PRR16: variants seen among roughly 807,000 people sequenced by gnomAD.
PRR16 encodes the protein proline rich 16, also known as protein Largen.
Under a neutral mutation model 18.2 loss-of-function variants are expected in PRR16, and 6 were observed. The observed-to-expected ratio is 0.33, with a 90% CI of 0.18 to 0.65. The LOEUF (loss-of-function observed/expected upper bound fraction) is 0.65. Ranked by LOEUF, PRR16 falls within the 30% of genes least tolerant of loss-of-function variation. The probability of loss-of-function intolerance (pLI) is 0.74; values close to 1 mark genes in which losing one functional copy is unlikely to be tolerated. For missense variants in PRR16, 412 were observed against 376.6 expected, an observed-to-expected ratio of 1.09 and a Z score of -0.78; for synonymous variants, 151 against 147.8, an observed-to-expected ratio of 1.02 and a Z score of -0.16.
chr5:120,745,865 A>ATTTTTTTTTTTTT, the PRR16 span, among the ~76,000 whole-genome samples: 2,528 of 127,178 alleles, frequency 0.02, 49 homozygotes, highest in East Asian at 0.039. Flanking sequence ...CGCCCGGGTA[A>ATTTTTTTTTTTTT]TTTTTTTTTT....
chr5:120,495,070 TG>T (rs1416776241), intron 1 of PRR16, among the ~76,000 whole-genome samples: 1 of 152,128 alleles, frequency 6.6e-6, no homozygotes, highest in Non-Finnish European at 1.5e-5. Context: ...TTATAATTTA[TG>T]TTTTTTTTTC....
At chr5:120,737,324 T>G in the PRR16 span, among the ~76,000 whole-genome samples, 2 of 146,126 alleles carry the variant, frequency 1.4e-5, no homozygotes, top group Admixed American at 6.8e-5. Context: ...TTTTTTTTTT[T>G]TTTTTTTTTT....
intron 1 of PRR16, among the ~76,000 whole-genome samples, chr5:120,641,663 C>T (rs933779454): frequency 6.6e-6 from 1 of 152,058 alleles, no homozygotes; most frequent in African/African-American, 2.4e-5. Context: ...TCAATCTGCT[C>T]TAGATGGCTT....
chr5:120,508,879 G>A (rs1750730700), intron 1 of PRR16, among the ~76,000 whole-genome samples: 2 of 151,974 alleles, frequency 1.3e-5, no homozygotes, highest in African/African-American at 2.4e-5. Flanking sequence ...TCATAAGAAG[G>A]TCTAGGGCTA....
chr5:120,741,891 G>A, the PRR16 span, among the ~76,000 whole-genome samples: 4 of 152,154 alleles, frequency 2.6e-5, no homozygotes, highest in South Asian at 8.3e-4. Flanking sequence ...ATGAGCCACC[G>A]CACCAGGCCT....
At chr5:120,651,018 T>A (rs192018857) in intron 1 of PRR16, among the ~76,000 whole-genome samples, 3 of 152,330 alleles carry the variant, frequency 2.0e-5, no homozygotes, top group Non-Finnish European at 4.4e-5. Context: ...ATGATCGCCA[T>A]TCTAAATGTT....
the PRR16 span, among the ~76,000 whole-genome samples, chr5:120,694,550 G>A: frequency 6.6e-6 from 1 of 151,904 alleles, no homozygotes; most frequent in Admixed American, 6.6e-5. Context: ...CGGGCGAGGT[G>A]GCGGGCGCCT....
chr5:120,557,740 C>A (rs1243359353), intron 1 of PRR16, among the ~76,000 whole-genome samples: 1 of 151,806 alleles, frequency 6.6e-6, no homozygotes, highest in African/African-American at 2.4e-5. Flanking sequence ...CCATTAAATA[C>A]TTTGAAAAAG....
At chr5:120,782,379 C>T in the PRR16 span, among the ~76,000 whole-genome samples, 11 of 152,280 alleles carry the variant, frequency 7.2e-5, no homozygotes, top group East Asian at 1.9e-3. Flanking sequence ...TTATTAAGGT[C>T]TACAGTCACC....
chr5:120,736,837 T>C, the PRR16 span, among the ~76,000 whole-genome samples: 1 of 152,158 alleles, frequency 6.6e-6, no homozygotes, highest in Non-Finnish European at 1.5e-5. Context: ...TACTTTATCC[T>C]TTTGTGTTCT....
chr5:120,766,848 TAATCCTGGTTA>T, the PRR16 span, among the ~76,000 whole-genome samples: 3 of 151,960 alleles, frequency 2.0e-5, no homozygotes, highest in East Asian at 5.8e-4. Context: ...GGGGTTAGTA[TAATCCTGGTTA>T]ATTGTCAATT....
At chr5:120,713,788 CTAT>C in the PRR16 span, among the ~76,000 whole-genome samples, 1 of 152,010 alleles carries the variant, frequency 6.6e-6, no homozygotes, top group Non-Finnish European at 1.5e-5. Context: ...TATATGACTA[CTAT>C]AACAATTTGA....
chr5:120,782,132 A>G, the PRR16 span, among the ~76,000 whole-genome samples: 2 of 152,182 alleles, frequency 1.3e-5, no homozygotes, highest in Admixed American at 6.5e-5. Flanking sequence ...TACCAATCTA[A>G]ACTGAGTGTG....
chr5:120,782,487 C>T, the PRR16 span, among the ~76,000 whole-genome samples: 5 of 152,242 alleles, frequency 3.3e-5, no homozygotes, highest in East Asian at 5.8e-4. Flanking sequence ...CGCTTCCCCT[C>T]GGGGTTGGTT....
chr5:120,584,436 A>C (rs1280692586), intron 1 of PRR16, among the ~76,000 whole-genome samples: 2 of 149,262 alleles, frequency 1.3e-5, no homozygotes, highest in African/African-American at 5.2e-5. Context: ...GAAAATGAAA[A>C]GATACCACAG....
intron 1 of PRR16, among the ~76,000 whole-genome samples, chr5:120,541,506 AC>A (rs1455871223): frequency 1.3e-5 from 2 of 152,178 alleles, no homozygotes; most frequent in African/African-American, 4.8e-5. Flanking sequence ...ATTTCTCGTC[AC>A]AAGGTGTGAT....
At chr5:120,787,451 A>C in the PRR16 span, among the ~76,000 whole-genome samples, 3 of 152,154 alleles carry the variant, frequency 2.0e-5, no homozygotes, top group African/African-American at 4.8e-5. Flanking sequence ...TTAGAATCTA[A>C]TCAGGAGATA....
rs182811655 is a variant in PRR16, at chr5:120,518,580, A to G, written c.159+53935A>G. Among the ~76,000 whole-genome samples the G allele has an allele frequency of 4.5e-4, 68 of 149,544 alleles. No homozygotes were observed. In the Middle Eastern group the frequency reaches 0.01, roughly 23 times the overall value. ...CATTAAAATCTTTTTTTTTTTTTTA[A>G]TAGAGGCTGCTGGTTGTCTCCAGTA... On this transcript the variant is annotated intron_variant, in intron 1 of 1. Coordinates refer to ENST00000407149, the MANE Select transcript of PRR16 (RefSeq NM_001300783.2).
intron 1 of PRR16, among the ~76,000 whole-genome samples, chr5:120,610,121 A>G (rs1754287158): frequency 6.6e-6 from 1 of 151,760 alleles, no homozygotes; most frequent in Non-Finnish European, 1.5e-5. Context: ...CGGTGGGGGG[A>G]AGTATCCTCC....
Sources: gnomAD v4.1 joint callset for allele counts (sites outside exome capture counted in the v4.1 genomes callset) on GRCh38, gnomAD v4.1.1 for gene constraint, MANE v1.5 for transcripts, NCBI Gene and HGNC (gene_info 2026-07-23, HGNC 2026-07-21) for gene names.